RYR3: variants seen among roughly 807,000 people sequenced by gnomAD.
RYR3 encodes ryanodine receptor 3.
Under a neutral mutation model 584.3 loss-of-function variants are expected in RYR3, and 207 were observed. That is an observed-to-expected ratio of 0.35 (90% CI 0.32 to 0.40). The LOEUF (loss-of-function observed/expected upper bound fraction) is 0.40. Ranked by LOEUF, RYR3 falls within the 10% of genes least tolerant of loss-of-function variation. RYR3 has a pLI of 1.00. For missense variants in RYR3, 5,616 were observed against 6,089.2 expected (o/e 0.92, Z 2.59); for synonymous variants, 2,416 against 2,248.5 (o/e 1.07, Z -2.11).
chr15:33,593,242 C>G (rs1005683567), intron 16 of RYR3, among the ~76,000 whole-genome samples: 1 of 151,352 alleles, frequency 6.6e-6, no homozygotes, highest in Non-Finnish European at 1.5e-5. Flanking sequence ...AAGACATTTT[C>G]CTTTCACATT....
At chr15:33,439,834 AATATT>A (rs1353219363) in intron 1 of RYR3, among the ~76,000 whole-genome samples, 1 of 152,252 alleles carries the variant, frequency 6.6e-6, no homozygotes, top group African/African-American at 2.4e-5. Context: ...TAGTTATGGT[AATATT>A]ATCTATCATT....
chr15:33,826,546 C>T, intron 83 of RYR3, 126 bp from the exon 84 acceptor site: 2 of 880,928 alleles, frequency 2.3e-6, no homozygotes, highest in Non-Finnish European at 3.8e-6. Context: ...TTTCACCATT[C>T]ATCCAAAGTT....
At chr15:33,343,443 A>G (rs1972068678) in intron 1 of RYR3, among the ~76,000 whole-genome samples, 1 of 152,148 alleles carries the variant, frequency 6.6e-6, no homozygotes, top group Admixed American at 6.5e-5. Flanking sequence ...GCTGAATCAC[A>G]CAAGAGAATC....
intron 1 of RYR3, among the ~76,000 whole-genome samples, chr15:33,333,764 G>A (rs981071524): frequency 9.2e-5 from 14 of 152,162 alleles, no homozygotes; most frequent in African/African-American, 3.4e-4. Flanking sequence ...ATCCCTGTTT[G>A]CAGACAACAT....
At chr15:33,820,997 G>A (rs757733991) in intron 78 of RYR3, among the ~76,000 whole-genome samples, 185 bp downstream of exon 78, 76 of 151,402 alleles carry the variant, frequency 5.0e-4, no homozygotes, top group African/African-American at 1.6e-3. Context: ...TTAATGTTGC[G>A]TTGCTTCCCA....
chr15:33,699,351 C>T (rs80233414), intron 40 of RYR3, among the ~76,000 whole-genome samples: 4,478 of 143,138 alleles, frequency 0.031, 140 homozygotes, highest in Non-Finnish European at 0.038. Flanking sequence ...CTCTGTCTCT[C>T]CTCTCTCTCT....
chr15:33,423,237 A>G (rs1343790371), intron 1 of RYR3, among the ~76,000 whole-genome samples: 2 of 152,174 alleles, frequency 1.3e-5, no homozygotes, highest in Non-Finnish European at 2.9e-5. Context: ...AATTTCATAT[A>G]ATTGAAATTA....
chr15:33,768,610 G>A, intron 60 of RYR3, 48 bp from the exon 61 acceptor site: 2 of 1,563,140 alleles, frequency 1.3e-6, no homozygotes, highest in Non-Finnish European at 1.8e-6. Flanking sequence ...CAAAGCGTGA[G>A]TCCTTTAATC....
intron 3 of RYR3, among the ~76,000 whole-genome samples, chr15:33,514,729 C>T (rs377095602): frequency 1.5e-4 from 23 of 151,822 alleles, no homozygotes; most frequent in African/African-American, 5.1e-4. Flanking sequence ...TGGCCAGGAG[C>T]GGTGGCTCAC....
At chr15:33,700,110 T>G (rs1321197195) in intron 41 of RYR3, among the ~76,000 whole-genome samples, 1 of 152,216 alleles carries the variant, frequency 6.6e-6, no homozygotes, top group African/African-American at 2.4e-5. Context: ...CAGTGGCCCA[T>G]GGTTTACAAA....
intron 10 of RYR3, among the ~76,000 whole-genome samples, chr15:33,553,320 T>A (rs1202468552): frequency 6.6e-6 from 1 of 152,192 alleles, no homozygotes; most frequent in Admixed American, 6.5e-5. Flanking sequence ...GTCCACATTT[T>A]CTGTCAGGTT....
At chr15:33,844,127 T>G (rs1179289417) in intron 92 of RYR3, among the ~76,000 whole-genome samples, 1 of 152,238 alleles carries the variant, frequency 6.6e-6, no homozygotes, top group Non-Finnish European at 1.5e-5. Flanking sequence ...TAACTGGTTT[T>G]TCTATCTCTT....
intron 38 of RYR3, among the ~76,000 whole-genome samples, chr15:33,679,761 T>C (rs1373495405): frequency 6.6e-6 from 1 of 152,234 alleles, no homozygotes; most frequent in African/African-American, 2.4e-5. Flanking sequence ...GTATTGCTAA[T>C]TTCATTTTAT....
At chr15:33,541,467 A>G (rs533347197) in intron 7 of RYR3, among the ~76,000 whole-genome samples, 1 of 152,328 alleles carries the variant, frequency 6.6e-6, no homozygotes, top group African/African-American at 2.4e-5. Flanking sequence ...GGTAAAAATC[A>G]ATACACCTTT....
At chr15:33,384,786 A>G (rs567953239) in intron 1 of RYR3, among the ~76,000 whole-genome samples, 2 of 152,148 alleles carry the variant, frequency 1.3e-5, no homozygotes, top group South Asian at 4.1e-4. Context: ...CCCTGAACTT[A>G]TTCTCCTGTC....
chr15:33,321,045 T>A (rs1968897847), intron 1 of RYR3, among the ~76,000 whole-genome samples: 1 of 152,198 alleles, frequency 6.6e-6, no homozygotes, highest in Admixed American at 6.5e-5. Flanking sequence ...GAGCGTCTAC[T>A]TTGCAAAGCC....
intron 2 of RYR3, among the ~76,000 whole-genome samples, chr15:33,478,462 T>C (rs1265382058): frequency 1.3e-5 from 2 of 152,230 alleles, no homozygotes; most frequent in Non-Finnish European, 2.9e-5. Context: ...CAAGAGTCGC[T>C]GCACTCCAAG....
chr15:33,602,777 A>T (rs1555550776), intron 17 of RYR3, among the ~76,000 whole-genome samples: 1 of 112,920 alleles, frequency 8.9e-6, no homozygotes, highest in Non-Finnish European at 1.6e-5. Flanking sequence ...ACAAGGTCTC[A>T]CTCTGCTGCC....
At chr15:33,527,447 G>A (rs2054487773) in intron 3 of RYR3, among the ~76,000 whole-genome samples, 1 of 152,062 alleles carries the variant, frequency 6.6e-6, no homozygotes, top group Non-Finnish European at 1.5e-5. Flanking sequence ...GGGTGTGGCA[G>A]TGCACACCAG....
Sources: allele counts gnomAD v4.1 joint callset (sites outside exome capture counted in the v4.1 genomes callset), GRCh38; gene constraint gnomAD v4.1.1; transcripts MANE v1.5; gene names NCBI Gene and HGNC (gene_info 2026-07-23, HGNC 2026-07-21).